NARS2: variants seen among roughly 807,000 people sequenced by gnomAD.
The protein encoded by NARS2 is asparaginyl-tRNA synthetase 2, mitochondrial.
Under a neutral mutation model 62.9 loss-of-function variants are expected in NARS2, and 60 were observed. The ratio of observed to expected loss-of-function variants is 0.95; its 90% CI spans 0.77 to 1.18. The LOEUF (loss-of-function observed/expected upper bound fraction) is 1.18, where lower values mean the gene tolerates loss of function less well. Among genes scored for constraint, NARS2 ranks in the 50% most tolerant of loss-of-function variants. The pLI, the probability that NARS2 is intolerant of heterozygous loss-of-function variation, is 0.00. For synonymous variants in NARS2, 196 were observed against 200.0 expected (o/e 0.98, Z 0.17); for missense variants, 619 against 576.4 (o/e 1.07, Z -0.76).
At chr11:78,545,409 G>C (rs1855826183) in intron 5 of NARS2, among the ~76,000 whole-genome samples, 3 of 152,002 alleles carry the variant, frequency 2.0e-5, no homozygotes, top group South Asian at 4.2e-4. Flanking sequence ...ATTGTTTCTT[G>C]AAAACCTGAG....
chr11:78,566,625 A>G (rs1050681091), intron 3 of NARS2, among the ~76,000 whole-genome samples: 1 of 152,230 alleles, frequency 6.6e-6, no homozygotes, highest in Non-Finnish European at 1.5e-5. Flanking sequence ...TTTGGCACAC[A>G]GGAGTTCAAA....
At chr11:78,471,275 G>C (rs534098326) in intron 9 of NARS2, among the ~76,000 whole-genome samples, 1 of 152,212 alleles carries the variant, frequency 6.6e-6, no homozygotes, top group South Asian at 2.1e-4. Context: ...AGTAAATCTT[G>C]ATCTGCTGAC....
intron 5 of NARS2, among the ~76,000 whole-genome samples, chr11:78,537,394 T>C (rs925284962): frequency 6.6e-6 from 1 of 152,170 alleles, no homozygotes; most frequent in Non-Finnish European, 1.5e-5. Flanking sequence ...TCATGTAGGG[T>C]ACAACTTGAT....
intron 6 of NARS2, among the ~76,000 whole-genome samples, chr11:78,494,309 T>C (rs147493273): frequency 3.9e-5 from 6 of 152,288 alleles, no homozygotes; most frequent in Non-Finnish European, 8.8e-5. Context: ...TCTTTAAATG[T>C]TAAGGTTTTG....
rs548183291 is a variant in NARS2, at chr11:78,447,765, A to G, written c.1165-4007T>C. The stretch of plus-strand genomic sequence containing the variant: ...CCAACCACAGAAAGACAAATACCAC[A>G]TAATTTCACTTACATATGGAATCTA... On this transcript the variant is annotated intron_variant, in intron 11 of 13. Transcript: ENST00000281038. Among the ~76,000 whole-genome samples, 4 of 152,328 alleles carry G rather than the reference A, an allele frequency of 2.6e-5. No homozygotes were observed. In the South Asian group the frequency reaches 8.3e-4, roughly 32 times the overall value.
At chr11:78,467,842 A>T (rs1858687006) in intron 10 of NARS2, among the ~76,000 whole-genome samples, 1 of 151,962 alleles carries the variant, frequency 6.6e-6, no homozygotes, top group Non-Finnish European at 1.5e-5. Flanking sequence ...GAATATATAC[A>T]ATCTTCTTTT....
At chr11:78,512,985 C>A (rs1366715128) in intron 6 of NARS2, among the ~76,000 whole-genome samples, 1 of 152,160 alleles carries the variant, frequency 6.6e-6, no homozygotes, top group African/African-American at 2.4e-5. Context: ...CACAGTGGCT[C>A]ACATCTGAAA....
chr11:78,529,295 T>A (rs1471345264), intron 5 of NARS2, among the ~76,000 whole-genome samples: 1 of 152,244 alleles, frequency 6.6e-6, no homozygotes, highest in Non-Finnish European at 1.5e-5. Flanking sequence ...AAGGTTGACT[T>A]ATGATTGAGA....
chr11:78,565,821 G>A (rs1038473936), intron 4 of NARS2, among the ~76,000 whole-genome samples: 4 of 152,122 alleles, frequency 2.6e-5, no homozygotes, highest in Non-Finnish European at 5.9e-5. Flanking sequence ...GCCTCAGTGA[G>A]GAATAAATAG....
intron 6 of NARS2, among the ~76,000 whole-genome samples, chr11:78,499,998 G>C (rs565909830): frequency 4.2e-4 from 64 of 152,272 alleles, no homozygotes; most frequent in African/African-American, 1.4e-3. Context: ...GACCACTAAA[G>C]AGAACAACAT....
At chr11:78,439,042 A>C (rs1406770377) in intron 13 of NARS2, among the ~76,000 whole-genome samples, 40 of 149,566 alleles carry the variant, frequency 2.7e-4, no homozygotes, top group Admixed American at 2.7e-3. Context: ...GTCTGTATTT[A>C]GCTTTTTTTT....
chr11:78,457,134 A>G (rs767922114), intron 11 of NARS2, among the ~76,000 whole-genome samples: 28 of 152,246 alleles, frequency 1.8e-4, no homozygotes, highest in Non-Finnish European at 2.9e-4. Flanking sequence ...ACCACTCTGC[A>G]TCCTGTGTAC....
intron 6 of NARS2, among the ~76,000 whole-genome samples, chr11:78,520,775 G>T (rs1861085829): frequency 6.6e-6 from 1 of 152,074 alleles, no homozygotes. Flanking sequence ...AAGAAAATAG[G>T]CCTGGCACAG....
At position 78,445,553 on chromosome 11, in the gene NARS2, C is replaced by T. The variant is rs552878132; in HGVS notation, c.1165-1795G>A. 1.4e-4 allele frequency among the ~76,000 whole-genome samples: 21 copies of T among 152,222 alleles called. No homozygotes were observed. In the South Asian group the frequency reaches 2.5e-3, roughly 18 times the overall value. ...CGAAGAATTGCTTGAACTTATGAGG[C>T]GGAGGTTGCAGTGAGCCAAGATCAT... On this transcript the variant is annotated intron_variant, in intron 11 of 13. Coordinates refer to ENST00000281038, the MANE Select transcript of NARS2 (RefSeq NM_024678.6).
Position 78,568,736 on chromosome 11 carries a change from T to C in NARS2, c.268A>G (p.Ser90Gly). Reference protein sequence around the residue: ...GLDSRELNFGSSVEVQGQLIK... With the variant: ...GLDSRELNFGGSVEVQGQLIK... ...AGCTGCCCTTGTACTTCCACAGAAC[T>C]CCCAAAATTTAATTCTCTATAGTAA... The change falls in exon 3 of 14, where the codon AGT becomes GGT. Residue 90 changes from serine to glycine, a missense_variant. By Grantham distance (56) the Ser-to-Gly change is moderately conservative. Transcript: ENST00000281038. The C allele has an allele frequency of 1.2e-6, 2 of 1,607,882 alleles. No individual in the cohort carries two copies. Among genetic ancestry groups the C allele is most frequent in the South Asian group, 1.1e-5 (1 of 90,282 alleles).
intron 6 of NARS2, among the ~76,000 whole-genome samples, chr11:78,516,061 A>G (rs1860899333): frequency 6.6e-6 from 1 of 152,240 alleles, no homozygotes. Flanking sequence ...CAACTTCTTC[A>G]TGTAAAGGTT....
intron 11 of NARS2, among the ~76,000 whole-genome samples, chr11:78,456,427 T>C (rs1481557458): frequency 2.0e-5 from 3 of 152,224 alleles, no homozygotes; most frequent in African/African-American, 7.2e-5. Context: ...CAAAAATTTC[T>C]AGGATTCTCT....
At chr11:78,464,592 T>TA (rs1318613171) in intron 11 of NARS2, among the ~76,000 whole-genome samples, 1 of 152,128 alleles carries the variant, frequency 6.6e-6, no homozygotes, top group Non-Finnish European at 1.5e-5. Flanking sequence ...CAGTGTCCAC[T>TA]GGTGCATTCA....
At chr11:78,451,883 G>A (rs1400752081) in intron 11 of NARS2, among the ~76,000 whole-genome samples, 3 of 152,036 alleles carry the variant, frequency 2.0e-5, no homozygotes, top group Non-Finnish European at 4.4e-5. Context: ...TTGAGCAACC[G>A]TCAATACCCA....
Sources: gnomAD v4.1 joint callset for allele counts (sites outside exome capture counted in the v4.1 genomes callset) on GRCh38, gnomAD v4.1.1 for gene constraint, MANE v1.5 for transcripts, NCBI Gene and HGNC (gene_info 2026-07-23, HGNC 2026-07-21) for gene names.